The following TTC6 variants were observed in gnomAD, a reference collection of about 807,000 sequenced individuals.
TTC6 encodes tetratricopeptide repeat protein 6.
A neutral mutation model predicts 210.4 loss-of-function variants in TTC6; 172 were observed. The ratio of observed to expected loss-of-function variants is 0.82; its 90% confidence interval spans 0.72 to 0.93. The LOEUF (loss-of-function observed/expected upper bound fraction) is 0.93, where lower values mean the gene tolerates loss of function less well. Ranked by LOEUF, TTC6 falls within the 40% of genes least tolerant of loss-of-function variation. The pLI is 0.00. For synonymous variants in TTC6, 804 were observed against 819.6 expected (o/e 0.98, Z 0.32); for missense variants, 2,414 against 2,318.1 (o/e 1.04, Z -0.85).
At chr14:37,778,887 C>A (rs1397293310) in intron 14 of TTC6, among the ~76,000 whole-genome samples, 8 of 152,120 alleles carry the variant, frequency 5.3e-5, no homozygotes, top group Admixed American at 5.2e-4. Context: ...TTTATTGAGG[C>A]CCAACAACTC....
At chr14:37,700,352 G>A (rs1025000789) in intron 4 of TTC6, among the ~76,000 whole-genome samples, 2 of 152,170 alleles carry the variant, frequency 1.3e-5, no homozygotes, top group Non-Finnish European at 2.9e-5. Context: ...GGGAATTAGA[G>A]AAAATGTGTG....
intron 1 of TTC6, among the ~76,000 whole-genome samples, chr14:37,674,871 C>CT (rs547050411): frequency 5.3e-5 from 8 of 151,892 alleles, no homozygotes; most frequent in African/African-American, 9.7e-5. Flanking sequence ...CATTACATGT[C>CT]TTTTTTTTAT....
intron 14 of TTC6, among the ~76,000 whole-genome samples, chr14:37,766,979 G>A (rs939132492): frequency 4.6e-5 from 7 of 151,970 alleles, no homozygotes; most frequent in Non-Finnish European, 1.0e-4. Flanking sequence ...AGTCCCCAGT[G>A]TGATGTTCCC....
intron 14 of TTC6, among the ~76,000 whole-genome samples, chr14:37,770,678 A>G (rs949515022): frequency 6.6e-6 from 1 of 150,466 alleles, no homozygotes; most frequent in African/African-American, 2.4e-5. Flanking sequence ...CCATCCTTTT[A>G]TTTTGAGCCT....
chr14:37,678,951 T>G, intron 1 of TTC6, among the ~76,000 whole-genome samples: 1 of 152,098 alleles, frequency 6.6e-6, no homozygotes, highest in Non-Finnish European at 1.5e-5. Flanking sequence ...AGGCACAGTG[T>G]CTCATGCCTG....
At chr14:37,722,813 C>T (rs952103487) in intron 6 of TTC6, among the ~76,000 whole-genome samples, 1 of 152,150 alleles carries the variant, frequency 6.6e-6, no homozygotes, top group Admixed American at 6.5e-5. Flanking sequence ...CATTTAAAGT[C>T]TGTCTTTTTT....
intron 1 of TTC6, among the ~76,000 whole-genome samples, chr14:37,639,779 G>A (rs146024537): frequency 1.3e-4 from 20 of 149,586 alleles, no homozygotes; most frequent in East Asian, 3.9e-4. Flanking sequence ...CAAGCTACTC[G>A]GGAGGTTGAG....
chr14:37,671,948 G>C, intron 1 of TTC6, among the ~76,000 whole-genome samples: 1 of 152,102 alleles, frequency 6.6e-6, no homozygotes, highest in Admixed American at 6.6e-5. Context: ...CACCATGATT[G>C]TAAGTTTCCT....
chr14:37,820,271 A>G (rs2096152311), intron 26 of TTC6, among the ~76,000 whole-genome samples: 1 of 152,192 alleles, frequency 6.6e-6, no homozygotes, highest in African/African-American at 2.4e-5. Context: ...GATTTTAGTC[A>G]CTATCGGCTT....
intron 5 of TTC6, among the ~76,000 whole-genome samples, chr14:37,704,977 T>C (rs1470301576): frequency 6.6e-6 from 1 of 152,170 alleles, no homozygotes; most frequent in Non-Finnish European, 1.5e-5. Context: ...TCCAACATGT[T>C]ATTGAGTCTA....
intron 14 of TTC6, among the ~76,000 whole-genome samples, chr14:37,768,068 C>T (rs2096005057): frequency 6.6e-6 from 1 of 150,958 alleles, no homozygotes; most frequent in African/African-American, 2.4e-5. Context: ...ATCCTTTCCC[C>T]ATTGCTTGTT....
chr14:37,826,952 A>G (rs763883700), intron 28 of TTC6, among the ~76,000 whole-genome samples: 26 of 152,124 alleles, frequency 1.7e-4, no homozygotes, highest in Non-Finnish European at 3.4e-4. Flanking sequence ...TATTCCTTGG[A>G]AAGGAACTGA....
chr14:37,633,366 G>C (rs61988000), intron 1 of TTC6, among the ~76,000 whole-genome samples: 55 of 152,292 alleles, frequency 3.6e-4, no homozygotes, highest in Non-Finnish European at 8.1e-4. Flanking sequence ...GGCTTCCCTT[G>C]ACTAGGGGAG....
chr14:37,609,893 T>A (rs1290323981), intron 2 of TTC6, among the ~76,000 whole-genome samples: 1 of 152,196 alleles, frequency 6.6e-6, no homozygotes, highest in Non-Finnish European at 1.5e-5. Flanking sequence ...AAGCTGCCCA[T>A]ACAGAGTGCT....
At chr14:37,822,368 G>A (rs1409806587) in intron 26 of TTC6, among the ~76,000 whole-genome samples, 1 of 152,198 alleles carries the variant, frequency 6.6e-6, no homozygotes, top group Non-Finnish European at 1.5e-5. Flanking sequence ...ACTGGTTTAA[G>A]AGATACTCTT....
intron 3 of TTC6, among the ~76,000 whole-genome samples, chr14:37,685,466 G>T (rs1174839409): frequency 6.6e-6 from 1 of 152,022 alleles, no homozygotes; most frequent in Non-Finnish European, 1.5e-5. Flanking sequence ...AAAGAGAGGG[G>T]GAATAAAAAG....
At chr14:37,643,592 G>A (rs2095696244) in intron 1 of TTC6, among the ~76,000 whole-genome samples, 1 of 152,024 alleles carries the variant, frequency 6.6e-6, no homozygotes. Flanking sequence ...AAAATTCCCT[G>A]TACCCTTTAC....
intron 14 of TTC6, among the ~76,000 whole-genome samples, chr14:37,783,504 A>G (rs1317718509): frequency 6.6e-6 from 1 of 151,708 alleles, no homozygotes; most frequent in African/African-American, 2.4e-5. Context: ...TATTGCATCT[A>G]TTTGATTCTT....
At chr14:37,691,879 T>G (rs1035025502) in intron 3 of TTC6, among the ~76,000 whole-genome samples, 1 of 152,078 alleles carries the variant, frequency 6.6e-6, no homozygotes, top group East Asian at 1.9e-4. Flanking sequence ...ATTCAGAGGA[T>G]CATTAGTAGC....
Sources: gnomAD v4.1 joint callset for allele counts (sites outside exome capture counted in the v4.1 genomes callset) on GRCh38, gnomAD v4.1.1 for gene constraint, MANE v1.5 for transcripts, NCBI Gene and HGNC (gene_info 2026-07-23, HGNC 2026-07-21) for gene names.